The following ZNF345 variants were observed in gnomAD, a reference collection of about 807,000 sequenced individuals.
ZNF345 encodes the protein zinc finger protein 345.
For missense variants in ZNF345, 527 were observed against 589.9 expected, an observed-to-expected ratio of 0.89 and a Z score of 1.10; for synonymous variants, 166 against 187.9, an observed-to-expected ratio of 0.88 and a Z score of 0.95.
At chr19:36,871,566 A>T (rs1055815524) in intron 2 of ZNF345, among the ~76,000 whole-genome samples, 1 of 152,114 alleles carries the variant, frequency 6.6e-6, no homozygotes, top group African/African-American at 2.4e-5. Context: ...AATATTCTTA[A>T]GCATTTTATA....
downstream of ZNF345, among the ~76,000 whole-genome samples, chr19:36,881,586 T>C (rs182188781): frequency 6.6e-6 from 1 of 152,238 alleles, no homozygotes; most frequent in Non-Finnish European, 1.5e-5. Context: ...ACATTTTGCA[T>C]TGGAAAGAGC....
intron 2 of ZNF345, among the ~76,000 whole-genome samples, chr19:36,863,393 G>A (rs1032731275): frequency 4.6e-5 from 7 of 152,184 alleles, no homozygotes; most frequent in South Asian, 2.1e-4. Context: ...TCAACCAGAG[G>A]AAAACTAGTT....
chr19:36,869,912 C>A (rs983255994), intron 2 of ZNF345, among the ~76,000 whole-genome samples: 1 of 152,084 alleles, frequency 6.6e-6, no homozygotes, highest in Non-Finnish European at 1.5e-5. Context: ...CAGGCACATG[C>A]CACCACGCCT....
intron 2 of ZNF345, among the ~76,000 whole-genome samples, chr19:36,864,421 G>T (rs1404212538): frequency 6.6e-6 from 1 of 152,078 alleles, no homozygotes; most frequent in East Asian, 1.9e-4. Context: ...AGGCTGAGGT[G>T]GGAGGATGGC....
At chr19:36,851,095 A>T (rs2146105572) in intron 1 of ZNF345, 127 bp downstream of exon 1, 1 of 152,742 alleles carries the variant, frequency 6.5e-6, no homozygotes, top group South Asian at 2.1e-4. Context: ...TGTCTGTGCG[A>T]CCGTGTATGG....
intron 2 of ZNF345, among the ~76,000 whole-genome samples, chr19:36,876,285 A>T (rs2072879707): frequency 6.6e-6 from 1 of 152,186 alleles, no homozygotes; most frequent in East Asian, 1.9e-4. Flanking sequence ...TTCTGTCTCC[A>T]TCAGTTTATA....
Position 36,877,951 on chromosome 19 carries a change from A to C in ZNF345, c.1121A>C (p.Glu374Ala), listed in dbSNP as rs769448994. The change falls in exon 3 of 3, where the codon GAA (glutamate) becomes GCA (alanine). Residue 374 changes from glutamate to alanine, a missense_variant. Glu to Ala is a moderately radical substitution (Grantham distance 107, BLOSUM62 -1). Transcript: ENST00000420450. ...HTGEKPYECK[E>A]CGKAFGSGSK... ...GGTGAGAAACCCTATGAATGTAAGG[A>C]ATGTGGGAAGGCCTTTGGTAGTGGC... is the stretch of plus-strand genomic sequence containing the variant. 6.2e-7 allele frequency: 1 copy of C among 1,614,108 alleles called. No homozygotes were observed. The highest frequency in any genetic ancestry group is 8.5e-7 in the Non-Finnish European group (1 of 1,179,936).
intron 2 of ZNF345, among the ~76,000 whole-genome samples, chr19:36,869,936 G>T (rs2146182270): frequency 6.6e-6 from 1 of 152,054 alleles, no homozygotes; most frequent in African/African-American, 2.4e-5. Context: ...GTGCCACCAT[G>T]CCTGACTAAC....
intron 2 of ZNF345, among the ~76,000 whole-genome samples, chr19:36,872,072 T>C (rs1261934480): frequency 6.6e-6 from 1 of 152,144 alleles, no homozygotes. Flanking sequence ...CGGCCCTGTT[T>C]TATATGACAT....
downstream of ZNF345, among the ~76,000 whole-genome samples, chr19:36,880,712 A>C (rs918500117): frequency 6.6e-6 from 1 of 152,206 alleles, no homozygotes; most frequent in Non-Finnish European, 1.5e-5. Flanking sequence ...CAGGAATTCA[A>C]GGCCTCAGTG....
intron 2 of ZNF345, among the ~76,000 whole-genome samples, chr19:36,868,371 CT>C (rs777559303): frequency 1.3e-5 from 2 of 152,090 alleles, no homozygotes; most frequent in Non-Finnish European, 2.9e-5. Flanking sequence ...AGAGACATTT[CT>C]TTCTCCATTC....
intron 3 of ZNF345, chr19:36,889,395 G>A (rs946137957): frequency 2.0e-5 from 3 of 152,090 alleles, no homozygotes; most frequent in Admixed American, 6.6e-5. Context: ...ATGTCTAGTA[G>A]AATTCAGCTG....
intron 2 of ZNF345, among the ~76,000 whole-genome samples, chr19:36,870,732 C>A (rs1326405092): frequency 6.6e-6 from 1 of 152,078 alleles, no homozygotes; most frequent in Non-Finnish European, 1.5e-5. Flanking sequence ...CCTGTCTTTG[C>A]ATATTGGAGC....
chr19:36,855,771 G>A (rs992225020), intron 2 of ZNF345, among the ~76,000 whole-genome samples: 7 of 151,774 alleles, frequency 4.6e-5, no homozygotes, highest in Admixed American at 3.9e-4. Context: ...TTTTAACTAC[G>A]CTTTTCTCTT....
At chr19:36,858,310 C>G (rs1195835122) in intron 2 of ZNF345, 1 of 152,758 alleles carries the variant, frequency 6.5e-6, no homozygotes. Context: ...TTGTAAACAC[C>G]ACTTGCACTT....
chr19:36,863,046 A>G (rs934240126), intron 2 of ZNF345: 1 of 152,246 alleles, frequency 6.6e-6, no homozygotes, highest in African/African-American at 2.4e-5. Flanking sequence ...ACCCGCAATC[A>G]GCATAATCTT....
At chr19:36,857,267 A>G (rs1376934710) in intron 2 of ZNF345, among the ~76,000 whole-genome samples, 1 of 151,962 alleles carries the variant, frequency 6.6e-6, no homozygotes. Flanking sequence ...TTATAATTAT[A>G]TACATAATTA....
chr19:36,865,945 T>A (rs934938624), intron 2 of ZNF345, among the ~76,000 whole-genome samples: 23 of 152,208 alleles, frequency 1.5e-4, no homozygotes, highest in African/African-American at 5.5e-4. Context: ...TTTCTCTCTA[T>A]TCTGTTAATA....
intron 3 of ZNF345, among the ~76,000 whole-genome samples, chr19:36,884,775 G>A (rs916416428): frequency 6.6e-6 from 1 of 152,104 alleles, no homozygotes; most frequent in African/African-American, 2.4e-5. Context: ...ACTGTTATTG[G>A]GCAGGACATT....
Sources: gnomAD v4.1 joint callset for allele counts (sites outside exome capture counted in the v4.1 genomes callset) on GRCh38, gnomAD v4.1.1 for gene constraint, MANE v1.5 for transcripts, NCBI Gene and HGNC (gene_info 2026-07-23, HGNC 2026-07-21) for gene names.